PRKAG2: variants seen among roughly 807,000 people sequenced by gnomAD.
The protein encoded by PRKAG2 is 5'-AMP-activated protein kinase subunit gamma-2.
In PRKAG2, 26 loss-of-function variants were observed where a neutral mutation model predicts 69.6. That is an observed-to-expected ratio of 0.37 (90% CI 0.27 to 0.52). The LOEUF (loss-of-function observed/expected upper bound fraction) is 0.52. PRKAG2 is among the 20% of genes least tolerant of loss of function. PRKAG2 has a pLI of 0.90. For missense variants in PRKAG2, 557 were observed against 740.0 expected (o/e 0.75, Z 2.87); for synonymous variants, 293 against 285.0 (o/e 1.03, Z -0.28).
chr7:151,853,989 G>A lies in PRKAG2; in HGVS notation c.114+22518C>T, dbSNP rs12111693. Among the ~76,000 whole-genome samples, 1,496 of 151,936 alleles carry A rather than the reference G, an allele frequency of 9.8e-3. 31 individuals are homozygous for A. The highest frequency in any genetic ancestry group is 0.032 in the South Asian group (154 of 4,788). On this transcript the variant is annotated intron_variant, in intron 1 of 15. Transcript: ENST00000287878. ...CAGGCCCCCTTTATTCTACAGACAA[G>A]GATAACCTTGGTGTTGAGGTCAGGC...
intron 4 of PRKAG2, among the ~76,000 whole-genome samples, chr7:151,669,388 CTGCATTTGA>C (rs1831497452): frequency 6.6e-6 from 1 of 152,212 alleles, no homozygotes; most frequent in African/African-American, 2.4e-5. Context: ...AACTAGTTGG[CTGCATTTGA>C]TGTCACTCAA....
At chr7:151,718,513 C>T (rs1330247442) in intron 3 of PRKAG2, among the ~76,000 whole-genome samples, 1 of 151,698 alleles carries the variant, frequency 6.6e-6, no homozygotes, top group Non-Finnish European at 1.5e-5. Flanking sequence ...GCCACGTGGG[C>T]CTCCGTGTCC....
At chr7:151,714,771 G>A (rs1164046382) in intron 3 of PRKAG2, among the ~76,000 whole-genome samples, 6 of 151,610 alleles carry the variant, frequency 4.0e-5, no homozygotes, top group South Asian at 2.1e-4. Context: ...ACAACATGGC[G>A]AAACCTCATC....
intron 1 of PRKAG2, among the ~76,000 whole-genome samples, chr7:151,834,701 C>T (rs58038944): frequency 0.28 from 42,716 of 152,056 alleles, 6,542 homozygotes; most frequent in Middle Eastern, 0.37. Context: ...GGTTTAAGCC[C>T]CCACCCCAGG....
At chr7:151,577,992 G>GTTT (rs368297039) in intron 6 of PRKAG2, among the ~76,000 whole-genome samples, 3,719 of 142,116 alleles carry the variant, frequency 0.026, 147 homozygotes, top group African/African-American at 0.088. Flanking sequence ...GTATGGTTAT[G>GTTT]TTTTTTTTTT....
intron 5 of PRKAG2, among the ~76,000 whole-genome samples, chr7:151,602,836 G>A (rs1157073374): frequency 1.3e-5 from 2 of 152,178 alleles, no homozygotes; most frequent in Non-Finnish European, 2.9e-5. Flanking sequence ...AGATCTGAGA[G>A]TTTTATAAGG....
Position 151,876,511 on chromosome 7 carries a change from A to G in PRKAG2, c.110T>C (p.Ile37Thr). The G allele has an allele frequency of 6.3e-7, 1 of 1,595,370 alleles. No individual in the cohort carries two copies. The highest frequency in any genetic ancestry group is 2.3e-5 in the East Asian group (1 of 43,882). Residue 37 changes from isoleucine (I) to threonine (T), a missense_variant, in exon 1 of 16, where the codon ATT becomes ACT. Ile to Thr is a moderately conservative substitution (Grantham distance 89). This residue lies in a region of PRKAG2 where 352 missense variants were observed against 356.7 expected (regional missense o/e 0.99). Transcript: ENST00000287878. ...SQKRRSLRVHIPDLSSFAMPL... is the reference protein window; with the variant it reads ...SQKRRSLRVHTPDLSSFAMPL... ...GGACCGAGTGCTGGGACTCACCGGA[A>G]TGTGCACGCGCAGCGAACGCCTCTT...
chr7:151,790,153 A>G (rs993355172), intron 1 of PRKAG2, among the ~76,000 whole-genome samples: 3 of 152,086 alleles, frequency 2.0e-5, no homozygotes, highest in African/African-American at 7.2e-5. Flanking sequence ...AGCCCGGCCC[A>G]TAGCAATGCA....
In PRKAG2 at chr7:151,850,759, G is replaced by A. The variant is rs1489950800; in HGVS notation, c.114+25748C>T. ...GTGAGAGTCTGGTGCTCTGAGCGCT[G>A]CCTCGCAGTTGTGCAAATCAGTTCA... On this transcript the variant is annotated intron_variant, in intron 1 of 15. Coordinates refer to ENST00000287878, the MANE Select transcript of PRKAG2 (RefSeq NM_016203.4). The surrounding 1 kb of genome is among the most constrained non-coding windows in gnomAD (Gnocchi z 4.1). Among the ~76,000 whole-genome samples the A allele has an allele frequency of 2.0e-5, 3 of 152,230 alleles. No homozygotes were observed. Among genetic ancestry groups the A allele is most frequent in the African/African-American group, 7.2e-5 (3 of 41,468 alleles).
At position 151,664,443 on chromosome 7, in the gene PRKAG2, G is replaced by A. The variant is rs116001127; in HGVS notation, c.684+10977C>T. On this transcript the variant is annotated intron_variant, in intron 4 of 15. Coordinates refer to ENST00000287878, the MANE Select transcript of PRKAG2 (RefSeq NM_016203.4). ...TTTAAAAGAGGTGCCCTCCCTGCCT[G>A]GGTCCCCCTCCTCCTCCAGCCAAGC... Among the ~76,000 whole-genome samples the A allele has an allele frequency of 3.9e-3, 586 of 152,120 alleles. 3 individuals are homozygous for A. Among genetic ancestry groups the A allele is most frequent in the African/African-American group, 0.013 (539 of 41,484 alleles).
At position 151,835,239 on chromosome 7, in the gene PRKAG2, C is replaced by T. The variant is rs1400951800; in HGVS notation, c.114+41268G>A. Among the ~76,000 whole-genome samples the T allele has an allele frequency of 6.6e-6, 1 of 152,172 alleles. No homozygotes were observed. Among genetic ancestry groups the T allele is most frequent in the African/African-American group, 2.4e-5 (1 of 41,434 alleles). On this transcript the variant is annotated intron_variant, in intron 1 of 15. Coordinates refer to ENST00000287878, the MANE Select transcript of PRKAG2 (RefSeq NM_016203.4). This position sits in a 1 kb window ranked among gnomAD's most constrained non-coding sequence, Gnocchi z 4.1. ...TTTTATGTTCATTTGTTTTTAGGGT[C>T]AGGGTCTTGCTGTTTTCCAGGCTGG...
At chr7:151,646,624 CTTAAA>C (rs773082425) in intron 4 of PRKAG2, among the ~76,000 whole-genome samples, 1 of 152,188 alleles carries the variant, frequency 6.6e-6, no homozygotes, top group Admixed American at 6.5e-5. Context: ...TCTACTGCCT[CTTAAA>C]TTATTTTGCA....
intron 5 of PRKAG2, among the ~76,000 whole-genome samples, chr7:151,623,436 A>C (rs1413128921): frequency 6.8e-6 from 1 of 146,716 alleles, no homozygotes; most frequent in African/African-American, 2.5e-5. Flanking sequence ...TGTGCAGTTC[A>C]CAATAGGGTT....
chr7:151,763,904 C>T (rs1247538601), intron 3 of PRKAG2, among the ~76,000 whole-genome samples: 6 of 152,354 alleles, frequency 3.9e-5, no homozygotes, highest in Middle Eastern at 3.4e-3. Context: ...CTTGCAGGCC[C>T]GGAAACCCGC....
chr7:151,597,303 G>A (rs902490237), intron 5 of PRKAG2, among the ~76,000 whole-genome samples: 1 of 152,160 alleles, frequency 6.6e-6, no homozygotes, highest in African/African-American at 2.4e-5. Flanking sequence ...GAAAATCTAC[G>A]ACCCAAACTA....
At chr7:151,742,968 G>T (rs539019938) in intron 3 of PRKAG2, among the ~76,000 whole-genome samples, 1 of 152,292 alleles carries the variant, frequency 6.6e-6, no homozygotes, top group Admixed American at 6.5e-5. Flanking sequence ...AGGGGCTGAG[G>T]ACCCTTCTTC....
intron 5 of PRKAG2, among the ~76,000 whole-genome samples, chr7:151,612,404 T>C (rs1436339805): frequency 6.6e-6 from 1 of 152,158 alleles, no homozygotes; most frequent in East Asian, 1.9e-4. Flanking sequence ...AAAATCACAC[T>C]GCAGAGACCT....
intron 11 of PRKAG2, chr7:151,566,600 T>A: frequency 2.2e-6 from 1 of 451,852 alleles, no homozygotes; most frequent in Non-Finnish European, 4.4e-6. Context: ...GTTGATTCCA[T>A]CCTCCTGGTG....
At chr7:151,792,871 C>A (rs745699652) in intron 1 of PRKAG2, among the ~76,000 whole-genome samples, 1 of 152,182 alleles carries the variant, frequency 6.6e-6, no homozygotes, top group African/African-American at 2.4e-5. Context: ...GAGGCCAGGG[C>A]CCCTCCCGGC....
Sources: allele counts gnomAD v4.1 joint callset (sites outside exome capture counted in the v4.1 genomes callset), GRCh38; gene constraint gnomAD v4.1.1; regional missense constraint gnomAD v4.1.1; non-coding constraint Gnocchi (gnomAD v3.1); transcripts MANE v1.5; gene names NCBI Gene and HGNC (gene_info 2026-07-23, HGNC 2026-07-21).